TSEN2: variants seen among roughly 807,000 people sequenced by gnomAD.
The protein encoded by TSEN2 is tRNA splicing endonuclease subunit 2.
In TSEN2, 54 loss-of-function variants were observed where a neutral mutation model predicts 59.2. That is an observed-to-expected ratio of 0.91 (90% CI 0.73 to 1.14). The LOEUF (loss-of-function observed/expected upper bound fraction) is 1.14, where lower values mean the gene tolerates loss of function less well. Ranked by LOEUF, TSEN2 falls within the 50% of genes most tolerant of loss-of-function variation. The pLI, the probability that TSEN2 is intolerant of heterozygous loss-of-function variation, is 0.00. For synonymous variants in TSEN2, 195 were observed against 198.2 expected, an observed-to-expected ratio of 0.98 and a Z score of 0.14; for missense variants, 636 against 576.2, an observed-to-expected ratio of 1.10 and a Z score of -1.06.
Position 12,503,280 on chromosome 3 carries a change from G to A in TSEN2, c.327G>A (p.Glu109=), listed in dbSNP as rs77899976. 0.018 allele frequency: 29,270 copies of A among 1,614,160 alleles called. 503 individuals are homozygous for A. Among genetic ancestry groups the A allele is most frequent in the South Asian group, 0.056 (5,062 of 91,086 alleles). The change falls in exon 5 of 12, where the codon GAG becomes GAA. Residue 109 remains glutamate (E), a synonymous_variant. Coordinates refer to ENST00000284995, the MANE Select transcript of TSEN2 (RefSeq NM_025265.4). ...CTTGCAGGTATCAGCATAGTGTTGAGTGGGCAGCAGAGCTGATGCGTAGAC... is the reference window on the plus strand; with the variant it reads ...CTTGCAGGTATCAGCATAGTGTTGAATGGGCAGCAGAGCTGATGCGTAGAC... ...ITSKRYQHSV[E]WAAELMRRQG...
Position 12,516,464 on chromosome 3 carries a change from G to A in TSEN2, c.910-147G>A, listed in dbSNP as rs761654828. On this transcript the variant is annotated intron_variant, in intron 6 of 11. Coordinates refer to ENST00000284995, the MANE Select transcript of TSEN2 (RefSeq NM_025265.4). ...AAAATATATGTGTGTGTGTGTGTGT[G>A]TGTGTGTGTGTGTGTGTGTGTGTGA... 10,973 of 686,162 alleles carry A rather than the reference G, an allele frequency of 0.016. 300 individuals are homozygous for A. The highest frequency in any genetic ancestry group is 0.042 in the East Asian group (1,528 of 36,242). The allele number at this position is 686,162 out of a possible 1,614,324, so 42.5% of individuals were successfully genotyped here. A position where few individuals can be genotyped will look rare whatever the true frequency, so the allele number is the denominator to read the frequency against.
At chr3:12,502,884 C>A (rs985807678) in intron 4 of TSEN2, among the ~76,000 whole-genome samples, 1 of 151,642 alleles carries the variant, frequency 6.6e-6, no homozygotes, top group African/African-American at 2.4e-5. Flanking sequence ...CCATCCTGGC[C>A]AATATAGTGA....
Position 12,531,675 on chromosome 3 carries a change from G to T in TSEN2, c.1338+16G>T. 1 of 1,495,560 alleles carries T rather than the reference G, an allele frequency of 6.7e-7. No individual in the cohort carries two copies. The highest frequency in any genetic ancestry group is 9.3e-7 in the Non-Finnish European group (1 of 1,072,216). The allele number at this position is 1,495,560 out of a possible 1,614,324, so 92.6% of individuals were successfully genotyped here. On this transcript the variant is annotated intron_variant, in intron 11 of 11. Coordinates refer to ENST00000284995, the MANE Select transcript of TSEN2 (RefSeq NM_025265.4). ...TAAAGTTCAGGTGGGTAAACTCAGA[G>T]AAATTCATGTCATCCCAAAGATTCT...
chr3:12,490,103 T>C (rs2124927933), intron 2 of TSEN2, 114 bp downstream of exon 2: 1 of 1,046,968 alleles, frequency 9.6e-7, no homozygotes, highest in South Asian at 1.3e-5. Context: ...TGTGTATTCT[T>C]TCCTTGCGGT....
At chr3:12,491,649 G>T (rs17036821) in intron 2 of TSEN2, among the ~76,000 whole-genome samples, 10,962 of 152,238 alleles carry the variant, frequency 0.072, 525 homozygotes, top group Admixed American at 0.16. Context: ...TTAGAAAGGT[G>T]TTACGCTAAG....
chr3:12,526,926 T>G (rs299630), intron 8 of TSEN2, among the ~76,000 whole-genome samples: 83,668 of 152,124 alleles, frequency 0.55, 24,916 homozygotes, highest in African/African-American at 0.78. Flanking sequence ...ACAGGTAATG[T>G]CATTTGAGGA....
chr3:12,516,437 ACAAAAT>A lies in TSEN2; in HGVS notation c.910-173_910-168del, dbSNP rs1365099363. The stretch of plus-strand genomic sequence containing the variant: ...GAGACTCCGTTTCAAAAACAAACAA[ACAAAAT>A]ATATGTGTGTGTGTGTGTGTGTGTG... On this transcript the variant is annotated intron_variant, in intron 6 of 11. Coordinates refer to ENST00000284995, the MANE Select transcript of TSEN2 (RefSeq NM_025265.4). 8.5e-3 allele frequency among the ~76,000 whole-genome samples: 1,074 copies of A among 127,024 alleles called. 12 individuals are homozygous for A. Among genetic ancestry groups the A allele is most frequent in the Middle Eastern group, 0.016 (4 of 256 alleles). 83.3% of individuals were successfully genotyped at this position (127,024 alleles called of 152,430 possible).
downstream of TSEN2, among the ~76,000 whole-genome samples, chr3:12,538,073 T>C (rs1224526279): frequency 2.0e-5 from 3 of 152,200 alleles, no homozygotes; most frequent in Non-Finnish European, 4.4e-5. Context: ...GTTTTGTGTT[T>C]GAAGGAAAGT....
intron 3 of TSEN2, among the ~76,000 whole-genome samples, chr3:12,492,587 T>C (rs914756007): frequency 3.3e-5 from 5 of 152,234 alleles, no homozygotes; most frequent in African/African-American, 1.2e-4. Context: ...ATGTGTGTGG[T>C]TCTCCCTTGC....
chr3:12,516,069 T>G (rs2056039426), intron 6 of TSEN2, among the ~76,000 whole-genome samples: 1 of 152,112 alleles, frequency 6.6e-6, no homozygotes, highest in South Asian at 2.1e-4. Context: ...TTTGTAACAT[T>G]TGTATTTTCT....
intron 3 of TSEN2, among the ~76,000 whole-genome samples, chr3:12,495,931 G>A (rs2053703395): frequency 6.6e-6 from 1 of 152,156 alleles, no homozygotes; most frequent in African/African-American, 2.4e-5. Flanking sequence ...CCAAAACCTA[G>A]GGATTCAGAA....
intron 3 of TSEN2, among the ~76,000 whole-genome samples, chr3:12,494,710 TAAATGGAAGGATAAAGCA>T (rs2053567926): frequency 6.6e-6 from 1 of 152,102 alleles, no homozygotes. Flanking sequence ...CAATTTTTTT[TAAATGGAAGGATAAAGCA>T]TAGTTTTTTA....
intron 8 of TSEN2, among the ~76,000 whole-genome samples, chr3:12,528,500 A>G (rs1000243755): frequency 3.3e-5 from 5 of 152,272 alleles, no homozygotes; most frequent in South Asian, 2.1e-4. Context: ...CAGGAGGATC[A>G]CTCAAGCCCT....
chr3:12,534,665 C>T (rs959095794), downstream of TSEN2, among the ~76,000 whole-genome samples: 1 of 152,056 alleles, frequency 6.6e-6, no homozygotes, highest in Non-Finnish European at 1.5e-5. Flanking sequence ...CTAGCTCAGG[C>T]GTGGTGGCAG....
At chr3:12,501,185 A>G (rs1176249230) in intron 4 of TSEN2, among the ~76,000 whole-genome samples, 1 of 152,214 alleles carries the variant, frequency 6.6e-6, no homozygotes, top group East Asian at 1.9e-4. Context: ...AGGTTGTGGC[A>G]CAGCTATGTT....
chr3:12,504,212 A>G (rs2054585644), intron 5 of TSEN2, among the ~76,000 whole-genome samples: 1 of 152,168 alleles, frequency 6.6e-6, no homozygotes, highest in Admixed American at 6.5e-5. Flanking sequence ...GAAACAATCT[A>G]ATTGCTAAAT....
rs1285893538 is a variant in TSEN2, at chr3:12,505,787, A to C, written c.909+556A>C. Among the ~76,000 whole-genome samples the C allele has an allele frequency of 8.8e-5, 13 of 148,392 alleles. 1 individual carries two copies. The highest frequency in any genetic ancestry group is 6.6e-4 in the Admixed American group (10 of 15,048). On this transcript the variant is annotated intron_variant, in intron 6 of 11. Transcript: ENST00000284995. ...TGACAGAATGAAACTCTGTCTCAAAAAAAAAAAAAAAAAAAAAGGCTTTAT... is the reference window on the plus strand; with the variant it reads ...TGACAGAATGAAACTCTGTCTCAAACAAAAAAAAAAAAAAAAAGGCTTTAT...
At chr3:12,482,216 G>A (rs112748698), upstream of TSEN2, among the ~76,000 whole-genome samples, 279 of 152,216 alleles carry the variant, frequency 1.8e-3, no homozygotes, top group African/African-American at 6.2e-3. Flanking sequence ...CCACCTCCCC[G>A]GTTCAAGCAA....
At chr3:12,499,919 C>T (rs1370935860) in intron 4 of TSEN2, among the ~76,000 whole-genome samples, 1 of 152,212 alleles carries the variant, frequency 6.6e-6, no homozygotes, top group East Asian at 1.9e-4. Flanking sequence ...AACCACTCTG[C>T]TGTGCACTTC....
Sources: gnomAD v4.1 joint callset for allele counts (sites outside exome capture counted in the v4.1 genomes callset) on GRCh38, gnomAD v4.1.1 for gene constraint, MANE v1.5 for transcripts, NCBI Gene and HGNC (gene_info 2026-07-23, HGNC 2026-07-21) for gene names.